PRKG1: variants seen among roughly 807,000 people sequenced by gnomAD.
The protein encoded by PRKG1 is protein kinase cGMP-dependent 1.
Under a neutral mutation model 88.1 loss-of-function variants are expected in PRKG1, and 35 were observed. The observed-to-expected ratio is 0.40, with a 90% CI of 0.30 to 0.53. PRKG1 has a LOEUF of 0.53. Among genes scored for constraint, PRKG1 ranks in the 20% least tolerant of loss-of-function variants. The probability of loss-of-function intolerance (pLI) is 0.59; values close to 1 mark genes in which losing one functional copy is unlikely to be tolerated. For synonymous variants in PRKG1, 303 were observed against 292.5 expected (o/e 1.04, Z -0.37); for missense variants, 540 against 839.8 (o/e 0.64, Z 4.41).
chr10:51,133,376 C>T (rs1845616618), intron 1 of PRKG1, among the ~76,000 whole-genome samples: 1 of 152,104 alleles, frequency 6.6e-6, no homozygotes, highest in African/African-American at 2.4e-5. Context: ...TGATAACCAC[C>T]ATCAGTTTTG....
intron 3 of PRKG1, among the ~76,000 whole-genome samples, chr10:51,625,322 C>CA (rs1376582063): frequency 6.6e-6 from 1 of 152,010 alleles, no homozygotes; most frequent in Non-Finnish European, 1.5e-5. Flanking sequence ...ATTAAAAATA[C>CA]AAAAATTAAC....
chr10:51,975,732 CT>C (rs1307585335), intron 5 of PRKG1, among the ~76,000 whole-genome samples: 2 of 151,968 alleles, frequency 1.3e-5, no homozygotes, highest in African/African-American at 4.8e-5. Flanking sequence ...ATCTTTGTGA[CT>C]TTGGGTCAGG....
intron 2 of PRKG1, among the ~76,000 whole-genome samples, chr10:51,382,426 C>T (rs1163438525): frequency 6.6e-6 from 1 of 152,130 alleles, no homozygotes; most frequent in Non-Finnish European, 1.5e-5. Flanking sequence ...CTGTCTTTAA[C>T]CTCTTGAAAT....
At chr10:52,069,543 A>G (rs1452557159) in intron 7 of PRKG1, among the ~76,000 whole-genome samples, 3 of 139,774 alleles carry the variant, frequency 2.1e-5, no homozygotes, top group Non-Finnish European at 4.9e-5. Context: ...AACAAAAAAG[A>G]AAAGATAAAA....
At chr10:51,730,180 G>T (rs1384444329) in intron 3 of PRKG1, among the ~76,000 whole-genome samples, 2 of 152,116 alleles carry the variant, frequency 1.3e-5, no homozygotes, top group South Asian at 2.1e-4. Flanking sequence ...TGGAGCTGAT[G>T]CTCCAGAGGC....
At chr10:51,556,075 T>TAAGA (rs1837302623) in intron 3 of PRKG1, among the ~76,000 whole-genome samples, 1 of 151,772 alleles carries the variant, frequency 6.6e-6, no homozygotes, top group Admixed American at 6.6e-5. Flanking sequence ...AAGAAGTGAG[T>TAAGA]AAGAAAGAAA....
chr10:51,126,369 T>G (rs1443627241), intron 1 of PRKG1, among the ~76,000 whole-genome samples: 2 of 135,500 alleles, frequency 1.5e-5, no homozygotes, highest in Non-Finnish European at 3.1e-5. Flanking sequence ...TTATTTTATA[T>G]TTTATAGTAT....
chr10:51,970,345 G>C (rs1230483634), intron 5 of PRKG1, among the ~76,000 whole-genome samples: 2 of 151,346 alleles, frequency 1.3e-5, no homozygotes, highest in Non-Finnish European at 3.0e-5. Flanking sequence ...ATTACATTTA[G>C]TTGTCATGTC....
chr10:51,628,936 G>A (rs549330424), intron 3 of PRKG1, among the ~76,000 whole-genome samples: 7 of 148,818 alleles, frequency 4.7e-5, no homozygotes, highest in African/African-American at 1.8e-4. Flanking sequence ...TCCGCAGTCC[G>A]GCCTGGGCGA....
intron 4 of PRKG1, among the ~76,000 whole-genome samples, chr10:51,860,231 C>A (rs1315486224): frequency 6.6e-6 from 1 of 152,118 alleles, no homozygotes; most frequent in African/African-American, 2.4e-5. Flanking sequence ...GAAAAAACAA[C>A]CCTCAAAGTT....
At chr10:51,827,506 A>G (rs1038418697) in intron 4 of PRKG1, among the ~76,000 whole-genome samples, 1 of 152,082 alleles carries the variant, frequency 6.6e-6, no homozygotes, top group African/African-American at 2.4e-5. Flanking sequence ...TGATACTCTT[A>G]ATTTCTACAC....
At chr10:51,552,150 A>T (rs141300145) in intron 3 of PRKG1, among the ~76,000 whole-genome samples, 1 of 151,818 alleles carries the variant, frequency 6.6e-6, no homozygotes, top group Non-Finnish European at 1.5e-5. Context: ...GATGGTGATT[A>T]TGCTAAACAT....
At chr10:52,250,831 T>G (rs555172881) in intron 9 of PRKG1, among the ~76,000 whole-genome samples, 2 of 152,136 alleles carry the variant, frequency 1.3e-5, no homozygotes, top group African/African-American at 4.8e-5. Context: ...TTTGCATGTG[T>G]GCATAGTTAG....
intron 3 of PRKG1, among the ~76,000 whole-genome samples, chr10:51,685,659 A>G (rs1840969295): frequency 6.6e-6 from 1 of 152,184 alleles, no homozygotes; most frequent in Admixed American, 6.5e-5. Flanking sequence ...GTTATATTTC[A>G]TTTTTTATTA....
At chr10:51,713,870 A>C (rs1411835323) in intron 3 of PRKG1, among the ~76,000 whole-genome samples, 5 of 152,366 alleles carry the variant, frequency 3.3e-5, no homozygotes, top group African/African-American at 1.2e-4. Flanking sequence ...TTTAAGAAAA[A>C]GGCATCCAAA....
At chr10:51,898,021 T>A (rs189854000) in intron 4 of PRKG1, among the ~76,000 whole-genome samples, 1 of 152,172 alleles carries the variant, frequency 6.6e-6, no homozygotes, top group African/African-American at 2.4e-5. Flanking sequence ...TGTCTACTAA[T>A]CTCCCTCTTT....
chr10:52,045,416 C>T (rs6480686), intron 5 of PRKG1, among the ~76,000 whole-genome samples: 152,259 of 152,266 alleles, frequency 1, 76,126 homozygotes, highest in Non-Finnish European at 1. Flanking sequence ...AGCTAGAATG[C>T]ATCACAACAC....
chr10:52,098,538 C>T (rs754457276), intron 7 of PRKG1, among the ~76,000 whole-genome samples: 10 of 152,010 alleles, frequency 6.6e-5, no homozygotes, highest in South Asian at 6.2e-4. Flanking sequence ...AGGCCGGGCG[C>T]GGTGGCTCAC....
chr10:52,043,931 A>AAAC (rs550176979), intron 5 of PRKG1, among the ~76,000 whole-genome samples: 3 of 149,570 alleles, frequency 2.0e-5, no homozygotes, highest in Admixed American at 1.3e-4. Context: ...AAAAAAAAAA[A>AAAC]CCCAAGCATT....
Sources: gnomAD v4.1 joint callset for allele counts (sites outside exome capture counted in the v4.1 genomes callset) on GRCh38, gnomAD v4.1.1 for gene constraint, MANE v1.5 for transcripts, NCBI Gene and HGNC (gene_info 2026-07-23, HGNC 2026-07-21) for gene names.